TP63: variants seen among roughly 807,000 people sequenced by gnomAD.
TP63 encodes tumor protein 63.
TP63 carries 17 observed loss-of-function variants against 82.8 expected under a neutral mutation model. That is an observed-to-expected ratio of 0.21 (90% CI 0.14 to 0.31). The LOEUF (loss-of-function observed/expected upper bound fraction) is 0.31, where lower values mean the gene tolerates loss of function less well. Ranked by LOEUF, TP63 falls within the 10% of genes least tolerant of loss-of-function variation. TP63 has a pLI of 1.00. For synonymous variants in TP63, 330 were observed against 321.7 expected, an observed-to-expected ratio of 1.03 and a Z score of -0.28; for missense variants, 648 against 895.3, an observed-to-expected ratio of 0.72 and a Z score of 3.52.
At chr3:189,655,657 C>G (rs1363382235) in intron 1 of TP63, among the ~76,000 whole-genome samples, 1 of 152,022 alleles carries the variant, frequency 6.6e-6, no homozygotes, top group Admixed American at 6.6e-5. Flanking sequence ...TCTGGAGAGA[C>G]AGATGCACAT....
chr3:189,795,680 T>C (rs1372794291), intron 3 of TP63, among the ~76,000 whole-genome samples: 1 of 152,046 alleles, frequency 6.6e-6, no homozygotes, highest in African/African-American at 2.4e-5. Context: ...AATGGAACGC[T>C]TTTGTAGAAA....
intron 10 of TP63, among the ~76,000 whole-genome samples, chr3:189,883,973 A>G (rs1303100331): frequency 6.6e-6 from 1 of 151,196 alleles, no homozygotes; most frequent in Non-Finnish European, 1.5e-5. Context: ...ATGTATTTTT[A>G]TTTTTCTAAT....
At chr3:189,689,964 T>A (rs192637337) in intron 1 of TP63, among the ~76,000 whole-genome samples, 5 of 152,268 alleles carry the variant, frequency 3.3e-5, no homozygotes, top group Non-Finnish European at 7.4e-5. Flanking sequence ...TCCTTGGGGT[T>A]TTAACCTCCA....
At chr3:189,803,415 T>A (rs1196371645) in intron 3 of TP63, among the ~76,000 whole-genome samples, 8 of 152,238 alleles carry the variant, frequency 5.3e-5, no homozygotes, top group Non-Finnish European at 1.0e-4. Flanking sequence ...TGGAATCTCT[T>A]TTTGATGTTA....
At chr3:189,731,463 G>T (rs1326052084) in intron 1 of TP63, among the ~76,000 whole-genome samples, 2 of 152,180 alleles carry the variant, frequency 1.3e-5, no homozygotes, top group Admixed American at 6.5e-5. Context: ...AACTAAGCTA[G>T]ACGACCTCTC....
rs369266838 is a variant in TP63 at position 189,894,465 on chromosome 3, G to A, written c.2006G>A (p.Arg669His). Residue 669 changes from arginine (R) to histidine (H), a missense_variant, in exon 14 of 14, where the codon CGC becomes CAC. Physicochemically the swap from Arg to His is conservative, Grantham distance 29. Around this residue, in one of 5 missense-constraint regions of TP63, gnomAD observed 342 missense variants for 425.7 expected, o/e 0.80. Transcript: ENST00000264731. ...NDFNFDMDARRNKQQRIKEEG... is the reference protein window; with the variant it reads ...NDFNFDMDARHNKQQRIKEEG... ...TTCAACTTTGACATGGATGCTCGCC[G>A]CAATAAGCAACAGCGCATCAAAGAG... 16 of 1,613,842 alleles carry A rather than the reference G, an allele frequency of 9.9e-6. No homozygotes were observed. The highest frequency in any genetic ancestry group is 2.7e-5 in the African/African-American group (2 of 74,978).
chr3:189,655,735 A>G (rs1713296211), intron 1 of TP63, among the ~76,000 whole-genome samples: 1 of 152,212 alleles, frequency 6.6e-6, no homozygotes, highest in African/African-American at 2.4e-5. Context: ...AATGTGATAA[A>G]TTGTTTGAGG....
intron 4 of TP63, among the ~76,000 whole-genome samples, chr3:189,823,653 C>T (rs992204242): frequency 1.4e-4 from 22 of 152,100 alleles, no homozygotes; most frequent in African/African-American, 5.3e-4. Flanking sequence ...GCAGGTCTGT[C>T]CTAAAGGCTT....
At chr3:189,612,947 A>G in the TP63 span, among the ~76,000 whole-genome samples, 15 of 152,352 alleles carry the variant, frequency 9.8e-5, no homozygotes, top group Admixed American at 3.3e-4. Flanking sequence ...AAAGCATTCA[A>G]GAGGTGACTT....
intron 5 of TP63, among the ~76,000 whole-genome samples, chr3:189,865,519 G>A (rs1410010133): frequency 6.6e-6 from 1 of 152,158 alleles, no homozygotes; most frequent in Non-Finnish European, 1.5e-5. Context: ...AATCCTCAAA[G>A]AGTATTGAGG....
intron 1 of TP63, among the ~76,000 whole-genome samples, chr3:189,662,809 G>A (rs1714039562): frequency 6.6e-6 from 1 of 151,824 alleles, no homozygotes; most frequent in African/African-American, 2.4e-5. Flanking sequence ...CTCTATTTTA[G>A]TTTCTTAAAC....
At chr3:189,787,863 C>T (rs568908740) in intron 3 of TP63, among the ~76,000 whole-genome samples, 79 of 152,096 alleles carry the variant, frequency 5.2e-4, no homozygotes, top group African/African-American at 1.8e-3. Flanking sequence ...GGGGCTGTAA[C>T]CCTGCAGAGT....
intron 3 of TP63, among the ~76,000 whole-genome samples, chr3:189,746,277 GA>G (rs552762258): frequency 2.0e-4 from 29 of 147,782 alleles, no homozygotes; most frequent in East Asian, 7.9e-4. Flanking sequence ...AGTGCTGAAA[GA>G]AAAAAAAAAT....
intron 3 of TP63, among the ~76,000 whole-genome samples, chr3:189,765,433 C>CTTTTTTTTGTTTTTTTTTTT (rs1722874010): frequency 3.3e-5 from 1 of 30,088 alleles, no homozygotes; most frequent in Non-Finnish European, 5.9e-5. Context: ...CTGTCCTCTG[C>CTTTTTTTTGTTTTTTTTTTT]TTTTTTTTTT....
the TP63 span, among the ~76,000 whole-genome samples, chr3:189,614,993 A>G: frequency 6.6e-6 from 1 of 152,226 alleles, no homozygotes; most frequent in Non-Finnish European, 1.5e-5. Flanking sequence ...TTATTAATCC[A>G]CAGGATGATT....
At chr3:189,616,164 A>G in the TP63 span, among the ~76,000 whole-genome samples, 1 of 152,222 alleles carries the variant, frequency 6.6e-6, no homozygotes, top group Non-Finnish European at 1.5e-5. Flanking sequence ...TTCAAACCAC[A>G]AAAATATCCA....
chr3:189,703,398 C>CT (rs1375043243), intron 1 of TP63, among the ~76,000 whole-genome samples: 2 of 144,946 alleles, frequency 1.4e-5, no homozygotes, highest in African/African-American at 5.1e-5. Flanking sequence ...TGCACTCCAG[C>CT]TTGGGTGACA....
At chr3:189,655,209 T>C (rs1262686390) in intron 1 of TP63, among the ~76,000 whole-genome samples, 1 of 152,226 alleles carries the variant, frequency 6.6e-6, no homozygotes, top group Non-Finnish European at 1.5e-5. Context: ...GACTTCTTGG[T>C]TAGCCCTAAA....
chr3:189,785,583 G>A (rs1359042529), intron 3 of TP63, among the ~76,000 whole-genome samples: 2 of 152,030 alleles, frequency 1.3e-5, no homozygotes, highest in African/African-American at 2.4e-5. Context: ...TATCGGGAAA[G>A]CAAATGAAGG....
Sources: gnomAD v4.1 joint callset for allele counts (sites outside exome capture counted in the v4.1 genomes callset) on GRCh38, gnomAD v4.1.1 for gene constraint, gnomAD v4.1.1 regional missense constraint, MANE v1.5 for transcripts, NCBI Gene and HGNC (gene_info 2026-07-23, HGNC 2026-07-21) for gene names.